STAC: variants seen among roughly 807,000 people sequenced by gnomAD.
STAC encodes the protein SH3 and cysteine rich domain, also known as SH3 and cysteine-rich domain-containing protein.
STAC carries 43 observed loss-of-function variants against 48.8 expected under a neutral mutation model. The ratio of observed to expected loss-of-function variants is 0.88; its 90% CI spans 0.69 to 1.14. The LOEUF (loss-of-function observed/expected upper bound fraction) is 1.14, where lower values mean the gene tolerates loss of function less well. STAC is among the 50% of genes most tolerant of loss of function. The probability of loss-of-function intolerance (pLI) is 0.00; values close to 1 mark genes in which losing one functional copy is unlikely to be tolerated. For synonymous variants in STAC, 193 were observed against 179.5 expected (o/e 1.07, Z -0.60); for missense variants, 497 against 504.0 (o/e 0.99, Z 0.13).
intron 10 of STAC, among the ~76,000 whole-genome samples, chr3:36,541,764 T>C (rs566187262): frequency 3.9e-5 from 6 of 152,174 alleles, no homozygotes; most frequent in Non-Finnish European, 8.8e-5. Flanking sequence ...GAGCTGGCCA[T>C]AGCTGAGCTA....
intron 6 of STAC, among the ~76,000 whole-genome samples, chr3:36,494,733 G>T (rs1056037102): frequency 9.8e-5 from 15 of 152,310 alleles, no homozygotes; most frequent in African/African-American, 3.6e-4. Flanking sequence ...TGTACTTTTA[G>T]ATAATGCAAA....
At chr3:36,389,274 G>A (rs1394954272) in intron 1 of STAC, among the ~76,000 whole-genome samples, 1 of 152,118 alleles carries the variant, frequency 6.6e-6, no homozygotes, top group African/African-American at 2.4e-5. Flanking sequence ...GTAGAAGCTG[G>A]AAAATCCAAG....
intron 2 of STAC, among the ~76,000 whole-genome samples, chr3:36,460,334 A>T (rs1195957948): frequency 6.6e-6 from 1 of 152,180 alleles, no homozygotes; most frequent in African/African-American, 2.4e-5. Context: ...AAATAAAAAG[A>T]TACAACACCC....
chr3:36,466,653 C>G (rs981296276), intron 2 of STAC, among the ~76,000 whole-genome samples: 6 of 152,008 alleles, frequency 3.9e-5, no homozygotes, highest in Admixed American at 2.6e-4. Context: ...AGCTTGGTCA[C>G]TGTTGGTATA....
intron 8 of STAC, among the ~76,000 whole-genome samples, chr3:36,522,115 G>A (rs1416248899): frequency 1.3e-5 from 2 of 152,002 alleles, no homozygotes; most frequent in Non-Finnish European, 2.9e-5. Context: ...ATTTAACTTT[G>A]CAAAGTAAAT....
chr3:36,500,139 T>G (rs1698248192), intron 6 of STAC, among the ~76,000 whole-genome samples: 1 of 152,156 alleles, frequency 6.6e-6, no homozygotes, highest in Admixed American at 6.5e-5. Context: ...TATAGAGGAT[T>G]TGATGACACA....
chr3:36,429,778 T>C (rs1010404147), intron 1 of STAC, among the ~76,000 whole-genome samples: 2 of 152,180 alleles, frequency 1.3e-5, no homozygotes, highest in Non-Finnish European at 2.9e-5. Flanking sequence ...TCCAACTCCT[T>C]ACACTATACT....
rs889731401 is a variant in STAC at position 36,546,573 on chromosome 3, C to A, written c.*284C>A. On this transcript the variant is annotated 3_prime_UTR_variant, in exon 11 of 11. Transcript: ENST00000273183. ...AGTAGGACTATAAACCACAGCTGTCCCCCAGGATCCCACTCCTTTCCTGTC... is the reference window on the plus strand; with the variant it reads ...AGTAGGACTATAAACCACAGCTGTCACCCAGGATCCCACTCCTTTCCTGTC... The A allele has an allele frequency of 9.7e-5, 47 of 483,118 alleles. No individual in the cohort carries two copies. The highest frequency in any genetic ancestry group is 7.9e-4 in the African/African-American group (41 of 52,042). The allele number at this position is 483,118 out of a possible 1,614,324, so 29.9% of individuals were successfully genotyped here.
chr3:36,465,509 G>T (rs1168757588), intron 2 of STAC, among the ~76,000 whole-genome samples: 1 of 152,020 alleles, frequency 6.6e-6, no homozygotes, highest in Non-Finnish European at 1.5e-5. Flanking sequence ...TTTGCTTTTG[G>T]GTTCTTGGTC....
chr3:36,504,685 T>C (rs1277689833), intron 7 of STAC, among the ~76,000 whole-genome samples: 1 of 152,210 alleles, frequency 6.6e-6, no homozygotes, highest in Non-Finnish European at 1.5e-5. Context: ...TTCTGTTATA[T>C]AATGTGTAGA....
At chr3:36,509,250 T>C (rs78954780) in intron 8 of STAC, among the ~76,000 whole-genome samples, 3,570 of 152,256 alleles carry the variant, frequency 0.023, 127 homozygotes, top group African/African-American at 0.08. Context: ...TGGCCTATAC[T>C]CTCTTCTGGC....
rs537947968 is a variant in STAC, at chr3:36,477,664, C to T, written c.389-5328C>T. On this transcript the variant is annotated intron_variant, in intron 2 of 10. Coordinates refer to ENST00000273183, the MANE Select transcript of STAC (RefSeq NM_003149.3). The stretch of plus-strand genomic sequence containing the variant: ...GATACCACGCTCATAAAAGAGCCCA[C>T]TGCCTACCTCCTAATCAGTGTTGTA... Among the ~76,000 whole-genome samples the T allele has an allele frequency of 2.6e-5, 4 of 152,316 alleles. No individual in the cohort carries two copies. In the South Asian group the frequency reaches 8.3e-4, roughly 32 times the overall value.
intron 1 of STAC, among the ~76,000 whole-genome samples, chr3:36,426,174 C>T (rs1165361988): frequency 6.6e-6 from 1 of 152,226 alleles, no homozygotes; most frequent in Non-Finnish European, 1.5e-5. Context: ...CAACACCTGA[C>T]AGCTAATGTT....
rs1176835299 is a variant in STAC, at chr3:36,483,064, TG to T, written c.463del (p.Ala155HisfsTer95). 17 of 1,614,056 alleles carry T rather than the reference TG, an allele frequency of 1.1e-5. No homozygotes were observed. Among genetic ancestry groups the T allele is most frequent in the Admixed American group, 1.7e-5 (1 of 60,012 alleles). On this transcript the variant is annotated frameshift_variant, in exon 3 of 11. Coordinates refer to ENST00000273183, the MANE Select transcript of STAC (RefSeq NM_003149.3). LOFTEE classifies it high-confidence loss of function. ...ATCCACCACAAGTGCACAGATGGCC[TG>T]GCACCCCAGCGGTGCATGGGCAAGC... is the stretch of plus-strand genomic sequence containing the variant. ...MSIHHKCTDG[L>X]APQRCMGKLP...
chr3:36,486,014 G>A (rs1349359333), intron 4 of STAC, 120 bp from the exon 5 acceptor site: 1 of 706,960 alleles, frequency 1.4e-6, no homozygotes, highest in South Asian at 1.8e-5. Flanking sequence ...TCTACCCAGA[G>A]GCTAAGTTCC....
intron 6 of STAC, among the ~76,000 whole-genome samples, chr3:36,494,928 C>A (rs1032932883): frequency 1.3e-5 from 2 of 152,206 alleles, no homozygotes; most frequent in Admixed American, 1.3e-4. Flanking sequence ...TCACCAGAGA[C>A]TTGCATGATA....
chr3:36,497,169 C>T (rs960600580), intron 6 of STAC, among the ~76,000 whole-genome samples: 4 of 152,172 alleles, frequency 2.6e-5, no homozygotes, highest in Non-Finnish European at 5.9e-5. Flanking sequence ...TGGTACCACT[C>T]CAGTGGATAT....
intron 2 of STAC, among the ~76,000 whole-genome samples, chr3:36,452,785 G>A (rs1412681921): frequency 1.3e-5 from 2 of 152,188 alleles, no homozygotes; most frequent in Non-Finnish European, 2.9e-5. Context: ...GAGAGACTGG[G>A]AAGTAGCAAA....
intron 6 of STAC, among the ~76,000 whole-genome samples, chr3:36,497,985 C>G (rs762998056): frequency 6.6e-6 from 1 of 152,112 alleles, no homozygotes; most frequent in Non-Finnish European, 1.5e-5. Flanking sequence ...AAAAACTTCT[C>G]AGAAATGAAC....
Sources: allele counts gnomAD v4.1 joint callset (sites outside exome capture counted in the v4.1 genomes callset), GRCh38; gene constraint gnomAD v4.1.1; transcripts MANE v1.5; gene names NCBI Gene and HGNC (gene_info 2026-07-23, HGNC 2026-07-21).